ANKRD31: variants seen among roughly 807,000 people sequenced by gnomAD.
ANKRD31 encodes ankyrin repeat domain 31.
ANKRD31 carries 147 observed loss-of-function variants against 186.0 expected under a neutral mutation model. The ratio of observed to expected loss-of-function variants is 0.79; its 90% confidence interval spans 0.69 to 0.91. The LOEUF is 0.91. Ranked by LOEUF, ANKRD31 falls within the 40% of genes least tolerant of loss-of-function variation. The pLI is 0.00. For synonymous variants in ANKRD31, 673 were observed against 736.4 expected (o/e 0.91, Z 1.39); for missense variants, 1,986 against 2,148.8 (o/e 0.92, Z 1.50).
intron 2 of ANKRD31, chr5:75,225,546 G>A: frequency 3.5e-6 from 1 of 288,396 alleles, no homozygotes; most frequent in Non-Finnish European, 6.9e-6. Context: ...AGCCTATTGT[G>A]AATGACAGGG....
chr5:75,121,618 A>G (rs147843674), intron 17 of ANKRD31, among the ~76,000 whole-genome samples: 98 of 152,324 alleles, frequency 6.4e-4, no homozygotes, highest in African/African-American at 2.2e-3. Context: ...ATTTTCTCAG[A>G]ACACAATGGA....
chr5:75,145,263 A>C (rs1204132950), intron 14 of ANKRD31, among the ~76,000 whole-genome samples: 1 of 152,154 alleles, frequency 6.6e-6, no homozygotes, highest in East Asian at 1.9e-4. Context: ...CTTATAAATC[A>C]TTCTACTATA....
intron 23 of ANKRD31, among the ~76,000 whole-genome samples, chr5:75,088,114 T>A (rs1035918398): frequency 6.6e-6 from 1 of 152,214 alleles, no homozygotes; most frequent in Non-Finnish European, 1.5e-5. Flanking sequence ...GTGTGAGTAA[T>A]TGACAGAATA....
At chr5:75,083,075 G>T (rs1051812916) in intron 24 of ANKRD31, among the ~76,000 whole-genome samples, 1 of 152,150 alleles carries the variant, frequency 6.6e-6, no homozygotes, top group African/African-American at 2.4e-5. Flanking sequence ...ATATACATGA[G>T]ATATCTTGGG....
intron 3 of ANKRD31, among the ~76,000 whole-genome samples, chr5:75,217,625 C>T (rs1757039255): frequency 6.6e-6 from 1 of 152,070 alleles, no homozygotes; most frequent in African/African-American, 2.4e-5. Flanking sequence ...TTTCTCCAAC[C>T]TTTTATTTTG....
At chr5:75,197,909 A>C (rs1755574202) in intron 6 of ANKRD31, among the ~76,000 whole-genome samples, 1 of 152,168 alleles carries the variant, frequency 6.6e-6, no homozygotes, top group Non-Finnish European at 1.5e-5. Flanking sequence ...TTGGTAACAG[A>C]ATGTCAAGTC....
At chr5:75,178,417 T>C (rs1023226865) in intron 10 of ANKRD31, among the ~76,000 whole-genome samples, 1 of 152,100 alleles carries the variant, frequency 6.6e-6, no homozygotes, top group African/African-American at 2.4e-5. Flanking sequence ...CCACCCCAAA[T>C]CATTAGAATA....
At chr5:75,152,914 A>G (rs1021014003) in intron 12 of ANKRD31, among the ~76,000 whole-genome samples, 2 of 151,982 alleles carry the variant, frequency 1.3e-5, no homozygotes, top group African/African-American at 4.8e-5. Context: ...ATATCCATGT[A>G]TATTAAGAGG....
chr5:75,193,310 C>T lies in ANKRD31; in HGVS notation c.1298+1G>A, dbSNP rs1158562977. 14 of 1,534,962 alleles carry T rather than the reference C, an allele frequency of 9.1e-6. No individual in the cohort carries two copies. The South Asian group carries it at 1.5e-4, about 17-fold the overall frequency. ...GATAAAGACATAATTTCATTGCATA[C>T]CTGAAATTCTGAGCTGAAGAGTTAT... On this transcript the variant is annotated splice_donor_variant, in intron 8 of 25. Transcript: ENST00000506364. LOFTEE classifies it high-confidence loss of function.
intron 17 of ANKRD31, among the ~76,000 whole-genome samples, chr5:75,124,868 A>G (rs990638422): frequency 6.6e-6 from 1 of 152,100 alleles, no homozygotes; most frequent in South Asian, 2.1e-4. Context: ...AATGAGTGCA[A>G]TGTACACTAT....
At chr5:75,171,995 A>G (rs1753363604) in intron 10 of ANKRD31, among the ~76,000 whole-genome samples, 1 of 151,958 alleles carries the variant, frequency 6.6e-6, no homozygotes, top group Non-Finnish European at 1.5e-5. Context: ...TTATAAATCT[A>G]TAAAGATAGA....
intron 11 of ANKRD31, among the ~76,000 whole-genome samples, chr5:75,168,182 C>T (rs896549445): frequency 1.3e-5 from 2 of 152,194 alleles, no homozygotes; most frequent in East Asian, 3.9e-4. Flanking sequence ...TGTCTATTCC[C>T]ATGGCTCCCA....
rs1426354912 is a variant in ANKRD31, at chr5:75,210,875, A to G, written c.289-10T>C. On this transcript the variant is annotated splice_polypyrimidine_tract_variant and intron_variant, in intron 3 of 25. Coordinates refer to ENST00000506364, the MANE Select transcript of ANKRD31 (RefSeq NM_001372053.1). ...CTGTTTCATCTTGAGACTGCTAGGA[A>G]AAAAAAAAGTTTTTTCCAACTGATA... 2.7e-6 allele frequency: 4 copies of G among 1,502,424 alleles called. No individual in the cohort carries two copies. The highest frequency in any genetic ancestry group is 2.5e-5 in the East Asian group (1 of 39,868). The allele number at this position is 1,502,424 out of a possible 1,614,324, so 93.1% of individuals were successfully genotyped here. A position where few individuals can be genotyped will look rare whatever the true frequency, so the allele number is the denominator to read the frequency against.
chr5:75,213,944 A>C (rs1205737865), intron 3 of ANKRD31, among the ~76,000 whole-genome samples: 2 of 152,148 alleles, frequency 1.3e-5, no homozygotes, highest in East Asian at 3.9e-4. Context: ...TCTCACACAA[A>C]CTACCTTCAC....
chr5:75,141,428 G>A (rs1751040743), intron 15 of ANKRD31, among the ~76,000 whole-genome samples: 1 of 152,020 alleles, frequency 6.6e-6, no homozygotes, highest in African/African-American at 2.4e-5. Context: ...CAGACTGCAA[G>A]TTTGAATAGA....
intron 10 of ANKRD31, among the ~76,000 whole-genome samples, chr5:75,187,809 T>A (rs966360873): frequency 6.6e-6 from 1 of 152,152 alleles, no homozygotes; most frequent in Non-Finnish European, 1.5e-5. Flanking sequence ...CTGTGCACCA[T>A]AAGACTCTTT....
chr5:75,118,388 G>T, intron 17 of ANKRD31, 91 bp from the exon 18 acceptor site: 1 of 1,167,578 alleles, frequency 8.6e-7, no homozygotes. Context: ...AGCATTAAAA[G>T]CTATCAAAAG....
At position 75,118,315 on chromosome 5, in the gene ANKRD31, A is replaced by G. The variant is rs553974640; in HGVS notation, c.3877-18T>C. On this transcript the variant is annotated intron_variant, in intron 17 of 25. Transcript: ENST00000506364. ...TCAGCTGCCTACAAAGTATTTTTTC[A>G]AAGTTATCTCTACAGACACCAAAGA... 1.1e-3 allele frequency: 1,587 copies of G among 1,444,828 alleles called. 17 individuals are homozygous for G. The South Asian group carries it at 0.013, about 11-fold the overall frequency. 89.5% of individuals were successfully genotyped at this position (1,444,828 alleles called of 1,614,324 possible).
At chr5:75,197,700 T>C (rs1277036746) in intron 6 of ANKRD31, among the ~76,000 whole-genome samples, 16 of 152,222 alleles carry the variant, frequency 1.1e-4, no homozygotes, top group Admixed American at 8.5e-4. Flanking sequence ...GCACCAGGTA[T>C]AATAAAGTAT....
Sources: allele counts gnomAD v4.1 joint callset (sites outside exome capture counted in the v4.1 genomes callset), GRCh38; gene constraint gnomAD v4.1.1; transcripts MANE v1.5; gene names NCBI Gene and HGNC (gene_info 2026-07-23, HGNC 2026-07-21).